LRMDA: variants seen among roughly 807,000 people sequenced by gnomAD.
LRMDA encodes the protein leucine-rich melanocyte differentiation-associated protein.
Under a neutral mutation model 29.8 loss-of-function variants are expected in LRMDA, and 18 were observed. The observed-to-expected ratio is 0.60, with a 90% confidence interval of 0.42 to 0.90. LRMDA has a LOEUF of 0.90. LRMDA is among the 40% of genes least tolerant of loss of function. LRMDA has a pLI of 0.00. For synonymous variants in LRMDA, 125 were observed against 109.4 expected (o/e 1.14, Z -0.89); for missense variants, 273 against 273.9 (o/e 1.00, Z 0.02).
chr10:75,732,656 G>A (rs1165289646), intron 2 of LRMDA, among the ~76,000 whole-genome samples: 5 of 152,088 alleles, frequency 3.3e-5, no homozygotes, highest in Non-Finnish European at 7.4e-5. Flanking sequence ...TGTGTGGATG[G>A]GAAATACCAC....
Position 75,557,724 on chromosome 10 carries a change from G to C in LRMDA, c.131+119230G>C, listed in dbSNP as rs144580190. On this transcript the variant is annotated intron_variant, in intron 2 of 6. Coordinates refer to ENST00000611255, the MANE Select transcript of LRMDA (RefSeq NM_001305581.2). ...CAGATGCCTACATGTCTTTTCTCCT[G>C]CTTTGCCCAGCTGCGATTTGTCCAC... Among the ~76,000 whole-genome samples, 13 of 152,264 alleles carry C rather than the reference G, an allele frequency of 8.5e-5. No homozygotes were observed. The East Asian group carries it at 2.3e-3, about 27-fold the overall frequency.
chr10:76,009,093 T>A (rs1847725896), intron 2 of LRMDA, among the ~76,000 whole-genome samples: 1 of 152,184 alleles, frequency 6.6e-6, no homozygotes, highest in African/African-American at 2.4e-5. Context: ...AATAAGGGAC[T>A]GCACTGTCTG....
At chr10:75,503,382 G>T (rs1845137267) in intron 2 of LRMDA, among the ~76,000 whole-genome samples, 1 of 152,008 alleles carries the variant, frequency 6.6e-6, no homozygotes, top group Admixed American at 6.6e-5. Flanking sequence ...CAGGGCAGGG[G>T]TGGTGGTGGA....
chr10:76,071,524 G>C (rs1211446474), intron 5 of LRMDA, among the ~76,000 whole-genome samples: 2 of 152,178 alleles, frequency 1.3e-5, no homozygotes, highest in Admixed American at 1.3e-4. Flanking sequence ...TACACTTTTA[G>C]ATGCCAGAGG....
At chr10:75,770,796 CT>C (rs1843229772) in intron 2 of LRMDA, among the ~76,000 whole-genome samples, 1 of 152,128 alleles carries the variant, frequency 6.6e-6, no homozygotes, top group Non-Finnish European at 1.5e-5. Context: ...TCATGCCACG[CT>C]ATTTCATCAA....
chr10:76,094,721 C>T (rs1255571525), intron 5 of LRMDA, among the ~76,000 whole-genome samples: 2 of 152,120 alleles, frequency 1.3e-5, no homozygotes, highest in Admixed American at 6.5e-5. Flanking sequence ...TCTGGTAACT[C>T]ATTTTAGAAA....
intron 2 of LRMDA, among the ~76,000 whole-genome samples, chr10:75,651,823 G>A (rs1309758728): frequency 6.6e-6 from 1 of 152,150 alleles, no homozygotes; most frequent in Non-Finnish European, 1.5e-5. Context: ...ATAGGGTTTT[G>A]ATGAAAGATA....
rs1017487756 is a variant in LRMDA at position 75,914,393 on chromosome 10, A to C, written c.132-121615A>C. Among the ~76,000 whole-genome samples, 5 of 152,370 alleles carry C rather than the reference A, an allele frequency of 3.3e-5. No homozygotes were observed. The Middle Eastern group carries it at 0.01, about 311-fold the overall frequency. ...CCATGTGCTGGGAAAACAGAGATGC[A>C]GCCTTTTCTGTCTATATGATTTGCA... On this transcript the variant is annotated intron_variant, in intron 2 of 6. Transcript: ENST00000611255.
chr10:76,059,588 G>A (rs1848671834), intron 5 of LRMDA, among the ~76,000 whole-genome samples: 1 of 152,194 alleles, frequency 6.6e-6, no homozygotes, highest in Admixed American at 6.5e-5. Context: ...CTGTGGAGCT[G>A]TGTGGTCACC....
intron 5 of LRMDA, among the ~76,000 whole-genome samples, chr10:76,215,608 A>G (rs1243342331): frequency 6.6e-6 from 1 of 152,056 alleles, no homozygotes; most frequent in African/African-American, 2.4e-5. Flanking sequence ...TAAGTGCAGG[A>G]CAGGACTTGA....
chr10:75,626,988 C>T (rs1182135402), intron 2 of LRMDA, among the ~76,000 whole-genome samples: 1 of 152,194 alleles, frequency 6.6e-6, no homozygotes, highest in African/African-American at 2.4e-5. Context: ...TGATGGTTGC[C>T]TCATGACTGG....
intron 5 of LRMDA, among the ~76,000 whole-genome samples, chr10:76,283,323 C>T (rs1020661195): frequency 6.6e-6 from 1 of 152,158 alleles, no homozygotes; most frequent in Admixed American, 6.6e-5. Flanking sequence ...GCAGCAAGAT[C>T]AGTGATAGCC....
chr10:75,672,528 C>CCCTT lies in LRMDA; in HGVS notation c.131+234036_131+234037insTTCC, dbSNP rs1564536262. 2.0e-3 allele frequency among the ~76,000 whole-genome samples: 65 copies of CCCTT among 31,980 alleles called. 14 individuals are homozygous for CCCTT. The highest frequency in any genetic ancestry group is 8.3e-3 in the African/African-American group (55 of 6,658). The allele number at this position is 31,980 out of a possible 152,430, so 21.0% of individuals were successfully genotyped here. A position where few individuals can be genotyped will look rare whatever the true frequency, so the allele number is the denominator to read the frequency against. On this transcript the variant is annotated intron_variant, in intron 2 of 6. Coordinates refer to ENST00000611255, the MANE Select transcript of LRMDA (RefSeq NM_001305581.2). The stretch of plus-strand genomic sequence containing the variant: ...CCTTGTATTTTTCTTTTCTTTTCCT[C>CCCTT]CCCTCCCCTCCCCTCCCCTCCCCTC...
At chr10:75,494,691 G>A (rs1334453108) in intron 2 of LRMDA, among the ~76,000 whole-genome samples, 1 of 151,930 alleles carries the variant, frequency 6.6e-6, no homozygotes, top group Non-Finnish European at 1.5e-5. Context: ...AGTAGAGATG[G>A]GGTTTCGCCA....
At chr10:75,558,539 T>C (rs1300378235) in intron 2 of LRMDA, among the ~76,000 whole-genome samples, 1 of 148,840 alleles carries the variant, frequency 6.7e-6, no homozygotes, top group African/African-American at 2.6e-5. Context: ...TTTTGTTTTT[T>C]TATTATTATA....
intron 2 of LRMDA, among the ~76,000 whole-genome samples, chr10:75,960,611 A>C (rs954730262): frequency 3.9e-5 from 6 of 151,986 alleles, no homozygotes; most frequent in Admixed American, 2.6e-4. Context: ...TGATTTTTTA[A>C]ATTTTTATTT....
chr10:75,765,918 G>A (rs1005947108), intron 2 of LRMDA, among the ~76,000 whole-genome samples: 5 of 152,150 alleles, frequency 3.3e-5, no homozygotes, highest in African/African-American at 1.2e-4. Flanking sequence ...CAGCCCTCCT[G>A]TGGGAAGCAT....
intron 2 of LRMDA, among the ~76,000 whole-genome samples, chr10:75,702,488 C>T (rs1386193194): frequency 6.6e-6 from 1 of 152,146 alleles, no homozygotes; most frequent in East Asian, 1.9e-4. Flanking sequence ...TATTGGGTCT[C>T]CTTTCTTCAC....
intron 6 of LRMDA, among the ~76,000 whole-genome samples, chr10:76,457,455 T>C (rs1842468105): frequency 6.6e-6 from 1 of 152,164 alleles, no homozygotes; most frequent in Non-Finnish European, 1.5e-5. Flanking sequence ...GCTCTCAGAC[T>C]GTATGCAAAT....
Sources: allele counts gnomAD v4.1 joint callset (sites outside exome capture counted in the v4.1 genomes callset), GRCh38; gene constraint gnomAD v4.1.1; transcripts MANE v1.5; gene names NCBI Gene and HGNC (gene_info 2026-07-23, HGNC 2026-07-21).